Variants in ATRN observed in about 807,000 individuals in gnomAD.
The protein encoded by ATRN is attractin-2.
ATRN carries 54 observed loss-of-function variants against 178.7 expected under a neutral mutation model. The observed-to-expected ratio is 0.30, with a 90% CI of 0.24 to 0.38. ATRN has a LOEUF of 0.38. ATRN is among the 10% of genes least tolerant of loss of function. The pLI, the probability that ATRN is intolerant of heterozygous loss-of-function variation, is 1.00. For synonymous variants in ATRN, 636 were observed against 663.0 expected (o/e 0.96, Z 0.63); for missense variants, 1,443 against 1,815.1 (o/e 0.79, Z 3.73).
chr20:3,503,537 T>C (rs2084992785), intron 1 of ATRN, among the ~76,000 whole-genome samples: 1 of 151,312 alleles, frequency 6.6e-6, no homozygotes, highest in African/African-American at 2.4e-5. Context: ...TAAAACTAAA[T>C]AAATGAAATA....
chr20:3,592,764 T>A (rs1400926678), intron 19 of ATRN, among the ~76,000 whole-genome samples: 3 of 152,098 alleles, frequency 2.0e-5, no homozygotes, highest in Non-Finnish European at 4.4e-5. Flanking sequence ...TTCCTCCTAA[T>A]AATAGGGTGG....
intron 1 of ATRN, among the ~76,000 whole-genome samples, chr20:3,526,079 G>A (rs1436736362): frequency 6.6e-6 from 1 of 152,136 alleles, no homozygotes; most frequent in Non-Finnish European, 1.5e-5. Context: ...GAAATAAAGG[G>A]TATTCAAGTA....
intron 11 of ATRN, among the ~76,000 whole-genome samples, chr20:3,572,229 T>TA (rs2086135713): frequency 6.6e-6 from 1 of 152,136 alleles, no homozygotes; most frequent in African/African-American, 2.4e-5. Flanking sequence ...TTTTAATATT[T>TA]AAAAAATGAA....
chr20:3,568,599 A>G (rs2086072080), intron 11 of ATRN, among the ~76,000 whole-genome samples: 1 of 152,218 alleles, frequency 6.6e-6, no homozygotes, highest in East Asian at 1.9e-4. Context: ...TGAATATTGA[A>G]TTATTGCTCC....
At chr20:3,524,610 A>G (rs2085339940) in intron 1 of ATRN, among the ~76,000 whole-genome samples, 1 of 152,232 alleles carries the variant, frequency 6.6e-6, no homozygotes, top group Non-Finnish European at 1.5e-5. Context: ...AACAGAATAT[A>G]CATTCTTCTC....
At chr20:3,490,782 C>G in intron 1 of ATRN, 1 of 791,884 alleles carries the variant, frequency 1.3e-6, no homozygotes, top group South Asian at 1.3e-5. Context: ...AGCAAACTCA[C>G]TGGGTCCTGA....
chr20:3,649,993 TC>T lies in ATRN; in HGVS notation c.*3150del. On this transcript the variant is annotated 3_prime_UTR_variant, in exon 29 of 29. Coordinates refer to ENST00000262919, the MANE Select transcript of ATRN (RefSeq NM_139321.3). ...CACAGCCTGGGGAGAAGCCTGTGCCTCCCCGTGTGGAGAGAAGGCAACCCCA... is the reference window on the plus strand; with the variant it reads ...CACAGCCTGGGGAGAAGCCTGTGCCTCCCGTGTGGAGAGAAGGCAACCCCA... 6.6e-6 allele frequency: 1 copy of T among 152,212 alleles called. No homozygotes were observed. Among genetic ancestry groups the T allele is most frequent in the Non-Finnish European group, 1.5e-5 (1 of 68,054 alleles). 9.4% of individuals were successfully genotyped at this position (152,212 alleles called of 1,614,324 possible). A position where few individuals can be genotyped will look rare whatever the true frequency, so the allele number is the denominator to read the frequency against.
intron 1 of ATRN, among the ~76,000 whole-genome samples, chr20:3,514,491 T>C (rs1328634536): frequency 1.3e-5 from 2 of 152,214 alleles, no homozygotes; most frequent in Non-Finnish European, 2.9e-5. Flanking sequence ...AGTGAAATAC[T>C]GAGATAATCA....
intron 2 of ATRN, among the ~76,000 whole-genome samples, chr20:3,537,151 A>G (rs117557759): frequency 5.5e-4 from 84 of 152,310 alleles, no homozygotes; most frequent in East Asian, 3.7e-3. Flanking sequence ...ATCCCCATCA[A>G]TCTCCTCAAA....
chr20:3,612,912 A>T (rs2086785997), intron 24 of ATRN, among the ~76,000 whole-genome samples: 1 of 152,152 alleles, frequency 6.6e-6, no homozygotes, highest in African/African-American at 2.4e-5. Flanking sequence ...TTTGTGCTGG[A>T]GATGGCCATA....
At chr20:3,588,382 T>C (rs760986032) in intron 18 of ATRN, among the ~76,000 whole-genome samples, 5 of 152,080 alleles carry the variant, frequency 3.3e-5, no homozygotes, top group Non-Finnish European at 7.4e-5. Flanking sequence ...TTTTTGAGGG[T>C]TTTGTAATGA....
At chr20:3,583,778 A>G in intron 16 of ATRN, 120 bp from the exon 17 acceptor site, 1 of 1,045,138 alleles carries the variant, frequency 9.6e-7, no homozygotes, top group South Asian at 1.6e-5. Flanking sequence ...ACTGCACTCT[A>G]GCCTGGAGAC....
At chr20:3,478,754 T>A (rs2084569880) in intron 1 of ATRN, among the ~76,000 whole-genome samples, 1 of 152,100 alleles carries the variant, frequency 6.6e-6, no homozygotes, top group African/African-American at 2.4e-5. Context: ...AGCAGAAGGA[T>A]CCCATTCCTT....
chr20:3,614,257 C>T (rs569059227), intron 24 of ATRN, among the ~76,000 whole-genome samples: 7 of 152,212 alleles, frequency 4.6e-5, no homozygotes, highest in Non-Finnish European at 8.8e-5. Flanking sequence ...CCCAGTAAGC[C>T]GGGGCTCAGC....
intron 1 of ATRN, among the ~76,000 whole-genome samples, chr20:3,472,830 A>C (rs1418094592): frequency 6.6e-6 from 1 of 152,170 alleles, no homozygotes; most frequent in African/African-American, 2.4e-5. Context: ...AAAATTACAG[A>C]TGGAAAGAAG....
At chr20:3,611,954 T>C (rs2086773251) in intron 24 of ATRN, among the ~76,000 whole-genome samples, 1 of 152,236 alleles carries the variant, frequency 6.6e-6, no homozygotes, top group African/African-American at 2.4e-5. Flanking sequence ...AAACTAATGT[T>C]ATACTTATCA....
At chr20:3,579,865 G>GGGA (rs2086259815) in intron 15 of ATRN, among the ~76,000 whole-genome samples, 1 of 152,146 alleles carries the variant, frequency 6.6e-6, no homozygotes, top group African/African-American at 2.4e-5. Flanking sequence ...AATGTGGCCT[G>GGGA]GGTCTCGGCT....
chr20:3,555,908 G>A (rs1243447569), intron 6 of ATRN, among the ~76,000 whole-genome samples: 2 of 152,192 alleles, frequency 1.3e-5, no homozygotes, highest in African/African-American at 4.8e-5. Context: ...CCATCATGGA[G>A]GAAAAGCAGC....
In ATRN at chr20:3,560,656, T is replaced by C; in HGVS notation, c.1204-6T>C. On this transcript the variant is annotated splice_polypyrimidine_tract_variant and splice_region_variant and intron_variant, in intron 7 of 28. Coordinates refer to ENST00000262919, the MANE Select transcript of ATRN (RefSeq NM_139321.3). ...TTTAAAAATTTTGTTTGCATTTTTT[T>C]CCTAGGATAAAATTTACATGTATGG... The C allele has an allele frequency of 6.2e-7, 1 of 1,600,232 alleles. No homozygotes were observed. Among genetic ancestry groups the C allele is most frequent in the Non-Finnish European group, 8.6e-7 (1 of 1,169,282 alleles).
Sources: allele counts gnomAD v4.1 joint callset (sites outside exome capture counted in the v4.1 genomes callset), GRCh38; gene constraint gnomAD v4.1.1; transcripts MANE v1.5; gene names NCBI Gene and HGNC (gene_info 2026-07-23, HGNC 2026-07-21).